PRKCE: variants seen among roughly 807,000 people sequenced by gnomAD.
PRKCE encodes the protein protein kinase C epsilon, also known as protein kinase C epsilon type.
PRKCE carries 16 observed loss-of-function variants against 85.4 expected under a neutral mutation model. The observed-to-expected ratio is 0.19, with a 90% CI of 0.13 to 0.28. PRKCE has a LOEUF of 0.28. PRKCE is among the 10% of genes least tolerant of loss of function. The pLI, the probability that PRKCE is intolerant of heterozygous loss-of-function variation, is 1.00. For missense variants in PRKCE, 573 were observed against 975.2 expected, an observed-to-expected ratio of 0.59 and a Z score of 5.49; for synonymous variants, 388 against 371.5, an observed-to-expected ratio of 1.04 and a Z score of -0.51.
chr2:45,730,554 G>T (rs567971760), intron 1 of PRKCE, among the ~76,000 whole-genome samples: 24 of 151,552 alleles, frequency 1.6e-4, no homozygotes, highest in South Asian at 1.3e-3. Context: ...CTGCCTCCTG[G>T]GTTCAGGCAA....
Position 45,855,694 on chromosome 2 carries a change from A to G in PRKCE, c.412+12631A>G, listed in dbSNP as rs554587646. Among the ~76,000 whole-genome samples, 2 of 152,310 alleles carry G rather than the reference A, an allele frequency of 1.3e-5. 1 individual carries two copies. Among genetic ancestry groups the G allele is most frequent in the African/African-American group, 4.8e-5 (2 of 41,564 alleles). ...TGTGAAGTAAGGATTTTCTCCTCAA[A>G]CTTAGGAGTTTTGTCTGGAAGCCAC... On this transcript the variant is annotated intron_variant, in intron 2 of 14. Coordinates refer to ENST00000306156, the MANE Select transcript of PRKCE (RefSeq NM_005400.3).
At chr2:46,076,127 T>C (rs928239529) in intron 10 of PRKCE, among the ~76,000 whole-genome samples, 1 of 152,160 alleles carries the variant, frequency 6.6e-6, no homozygotes, top group Non-Finnish European at 1.5e-5. Flanking sequence ...ATTGGCTGGG[T>C]TCCCCTTCTA....
At chr2:46,110,848 A>G (rs1672190796) in intron 11 of PRKCE, among the ~76,000 whole-genome samples, 1 of 151,962 alleles carries the variant, frequency 6.6e-6, no homozygotes, top group Non-Finnish European at 1.5e-5. Flanking sequence ...TTCTGTTTAA[A>G]CACTGCTTTC....
chr2:45,709,396 C>G (rs1452060508), intron 1 of PRKCE, among the ~76,000 whole-genome samples: 1 of 152,234 alleles, frequency 6.6e-6, no homozygotes, highest in Non-Finnish European at 1.5e-5. Context: ...GCTTCATGCC[C>G]TATATCAGCC....
At chr2:45,759,290 AGCTG>A (rs1476394401) in intron 1 of PRKCE, among the ~76,000 whole-genome samples, 11 of 152,208 alleles carry the variant, frequency 7.2e-5, no homozygotes, top group African/African-American at 2.4e-4. Context: ...TTTGAAGGAC[AGCTG>A]ACTCCAGGTT....
chr2:46,012,045 A>G (rs1344887364), intron 10 of PRKCE, among the ~76,000 whole-genome samples: 1 of 152,202 alleles, frequency 6.6e-6, no homozygotes, highest in Non-Finnish European at 1.5e-5. Context: ...GTGTTGTGTA[A>G]TGCCTAATAT....
In PRKCE at chr2:45,905,296, C is replaced by T. The variant is rs2103765560; in HGVS notation, c.412+62233C>T. Among the ~76,000 whole-genome samples the T allele has an allele frequency of 6.6e-6, 1 of 152,020 alleles. No individual in the cohort carries two copies. The highest frequency in any genetic ancestry group is 1.9e-4 in the East Asian group (1 of 5,182). On this transcript the variant is annotated intron_variant, in intron 2 of 14. Transcript: ENST00000306156. This position sits in a 1 kb window ranked among gnomAD's most constrained non-coding sequence, Gnocchi z 4.4. ...ATCTGGTAGTGGGAAAACAGGGAAG[C>T]TCCAAAAAAAAAGTAACTCAGAGGT... is the stretch of plus-strand genomic sequence containing the variant.
chr2:45,722,473 T>TC (rs1680703651), intron 1 of PRKCE, among the ~76,000 whole-genome samples: 1 of 152,216 alleles, frequency 6.6e-6, no homozygotes, highest in African/African-American at 2.4e-5. Flanking sequence ...CGCAGGAACC[T>TC]CCAGAGGTTC....
intron 1 of PRKCE, among the ~76,000 whole-genome samples, chr2:45,743,028 T>C (rs1206051782): frequency 2.6e-5 from 4 of 152,018 alleles, no homozygotes; most frequent in African/African-American, 9.7e-5. Flanking sequence ...CATAGAAAAA[T>C]AAATATTGCA....
chr2:45,955,851 A>T (rs749072229), intron 2 of PRKCE, among the ~76,000 whole-genome samples: 2 of 152,308 alleles, frequency 1.3e-5, no homozygotes, highest in East Asian at 3.9e-4. Flanking sequence ...TTTAGCATAT[A>T]GTTATTTGAG....
intron 14 of PRKCE, chr2:46,168,039 C>T (rs2104634601): frequency 6.6e-6 from 1 of 152,224 alleles, no homozygotes; most frequent in South Asian, 2.1e-4. Context: ...ATTCTGATGG[C>T]AGGAACAATG....
intron 1 of PRKCE, among the ~76,000 whole-genome samples, chr2:45,779,893 T>C (rs1358864188): frequency 6.6e-6 from 1 of 152,248 alleles, no homozygotes; most frequent in East Asian, 1.9e-4. Flanking sequence ...ATTTTAAACA[T>C]ATGCAAACCT....
At chr2:45,983,286 C>T (rs1253086129) in intron 5 of PRKCE, among the ~76,000 whole-genome samples, 2 of 152,134 alleles carry the variant, frequency 1.3e-5, no homozygotes, top group Non-Finnish European at 2.9e-5. Context: ...CTCATTAGTC[C>T]CCCACGGGGG....
chr2:46,028,185 G>A (rs1241016407), intron 10 of PRKCE, among the ~76,000 whole-genome samples: 2 of 152,118 alleles, frequency 1.3e-5, no homozygotes, highest in South Asian at 2.1e-4. Flanking sequence ...CAAGTGATCC[G>A]CCCGTCTCAG....
intron 1 of PRKCE, among the ~76,000 whole-genome samples, chr2:45,683,500 T>C (rs1323550964): frequency 6.6e-6 from 1 of 152,110 alleles, no homozygotes; most frequent in Non-Finnish European, 1.5e-5. Context: ...GCCAAGTAGT[T>C]CTAGACCCAA....
intron 2 of PRKCE, among the ~76,000 whole-genome samples, chr2:45,857,732 A>G (rs1044077399): frequency 6.6e-6 from 1 of 151,738 alleles, no homozygotes; most frequent in Admixed American, 6.6e-5. Flanking sequence ...TTTTTTTTTA[A>G]AGGGTAGGAG....
chr2:45,957,328 G>A (rs544299891), intron 2 of PRKCE, among the ~76,000 whole-genome samples: 2 of 152,238 alleles, frequency 1.3e-5, no homozygotes, highest in African/African-American at 4.8e-5. Flanking sequence ...TATTTTTTAT[G>A]CATGGACATT....
intron 1 of PRKCE, among the ~76,000 whole-genome samples, chr2:45,839,317 T>C (rs1691156818): frequency 6.6e-6 from 1 of 152,068 alleles, no homozygotes; most frequent in African/African-American, 2.4e-5. Context: ...CCAAAGTCTG[T>C]GTTTGTCTCC....
chr2:45,977,528 T>C (rs1242433882), intron 3 of PRKCE, among the ~76,000 whole-genome samples: 1 of 151,790 alleles, frequency 6.6e-6, no homozygotes, highest in East Asian at 1.9e-4. Context: ...TCCCAGCTAC[T>C]TGGGAGGCTG....
Sources: gnomAD v4.1 joint callset for allele counts (sites outside exome capture counted in the v4.1 genomes callset) on GRCh38, gnomAD v4.1.1 for gene constraint, Gnocchi (gnomAD v3.1) non-coding constraint, MANE v1.5 for transcripts, NCBI Gene and HGNC (gene_info 2026-07-23, HGNC 2026-07-21) for gene names.